The following GRIK1 variants were observed in gnomAD, a reference collection of about 807,000 sequenced individuals.
GRIK1 encodes the protein glutamate receptor ionotropic, kainate 1.
GRIK1 carries 69 observed loss-of-function variants against 105.7 expected under a neutral mutation model. The ratio of observed to expected loss-of-function variants is 0.65; its 90% CI spans 0.54 to 0.80. The LOEUF (loss-of-function observed/expected upper bound fraction) is 0.80, where lower values mean the gene tolerates loss of function less well. GRIK1 is among the 30% of genes least tolerant of loss of function. The pLI is 0.00. For missense variants in GRIK1, 1,109 were observed against 1,167.3 expected (o/e 0.95, Z 0.73); for synonymous variants, 438 against 431.3 (o/e 1.02, Z -0.19).
intron 1 of GRIK1, among the ~76,000 whole-genome samples, chr21:29,924,181 T>G (rs939883346): frequency 2.0e-5 from 3 of 151,454 alleles, no homozygotes; most frequent in African/African-American, 7.3e-5. Flanking sequence ...CTACTAAATA[T>G]ACAAAAATTA....
intron 1 of GRIK1, among the ~76,000 whole-genome samples, chr21:29,884,652 G>A (rs1485900848): frequency 1.3e-5 from 2 of 152,006 alleles, no homozygotes; most frequent in African/African-American, 2.4e-5. Flanking sequence ...TGCATTACTA[G>A]TAATAACTGA....
intron 15 of GRIK1, among the ~76,000 whole-genome samples, chr21:29,560,340 TTTC>T (rs2090379465): frequency 8.4e-6 from 1 of 118,530 alleles, no homozygotes; most frequent in Non-Finnish European, 1.7e-5. Context: ...TCTTTCTTTC[TTTC>T]TTTCTTTCTT....
intron 1 of GRIK1, among the ~76,000 whole-genome samples, chr21:29,730,039 G>A (rs1254767569): frequency 6.6e-6 from 1 of 152,114 alleles, no homozygotes; most frequent in Non-Finnish European, 1.5e-5. Context: ...TTTTCCCAAT[G>A]GTTTTATTAC....
At chr21:29,569,575 G>GT (rs2090691937) in intron 14 of GRIK1, among the ~76,000 whole-genome samples, 1 of 152,168 alleles carries the variant, frequency 6.6e-6, no homozygotes, top group Non-Finnish European at 1.5e-5. Flanking sequence ...AGACTAGCTG[G>GT]TATTCCCATT....
chr21:29,563,500 C>T (rs1383210133), intron 14 of GRIK1, among the ~76,000 whole-genome samples: 7 of 152,302 alleles, frequency 4.6e-5, no homozygotes, highest in Non-Finnish European at 8.8e-5. Context: ...AGTTATGCCA[C>T]AGCCCCGGAG....
chr21:29,935,409 A>T (rs748248743), intron 1 of GRIK1, among the ~76,000 whole-genome samples: 7 of 152,168 alleles, frequency 4.6e-5, no homozygotes, highest in Non-Finnish European at 1.0e-4. Flanking sequence ...GGGAAGTAAG[A>T]ACTCAAATAA....
At chr21:29,880,972 T>C (rs1569185295) in intron 1 of GRIK1, among the ~76,000 whole-genome samples, 2 of 151,982 alleles carry the variant, frequency 1.3e-5, no homozygotes, top group Admixed American at 1.3e-4. Context: ...TGCCCCAGGT[T>C]GGGTGCCACT....
At chr21:29,561,971 G>T in intron 14 of GRIK1, 122 bp from the exon 15 acceptor site, 1 of 653,196 alleles carries the variant, frequency 1.5e-6, no homozygotes, top group Admixed American at 2.3e-5. Context: ...AGGTGGGGGA[G>T]TCAAGATTGA....
At chr21:29,853,638 A>G (rs2068374791) in intron 1 of GRIK1, among the ~76,000 whole-genome samples, 1 of 152,210 alleles carries the variant, frequency 6.6e-6, no homozygotes, top group Non-Finnish European at 1.5e-5. Flanking sequence ...TCAACTGCAT[A>G]TGACTCATGG....
At chr21:29,578,277 C>T (rs376132439) in intron 13 of GRIK1, among the ~76,000 whole-genome samples, 1 of 152,070 alleles carries the variant, frequency 6.6e-6, no homozygotes, top group African/African-American at 2.4e-5. Context: ...TTAAAAATCC[C>T]GAAGAGTGAA....
chr21:29,576,824 T>C (rs2090905882), intron 14 of GRIK1, 140 bp downstream of exon 14: 1 of 609,752 alleles, frequency 1.6e-6, no homozygotes, highest in Non-Finnish European at 2.9e-6. Context: ...TGGGATTATG[T>C]AATTATAAAT....
chr21:29,646,850 C>CT (rs544696996), intron 6 of GRIK1, among the ~76,000 whole-genome samples: 3,849 of 144,078 alleles, frequency 0.027, 77 homozygotes, highest in African/African-American at 0.045. Context: ...TCTTTCTTTC[C>CT]TTTTTTTTTT....
intron 4 of GRIK1, among the ~76,000 whole-genome samples, chr21:29,660,446 C>G (rs2062940743): frequency 6.6e-6 from 1 of 152,164 alleles, no homozygotes; most frequent in Non-Finnish European, 1.5e-5. Context: ...TCTTAAGAAG[C>G]CTGGACCATA....
intron 1 of GRIK1, among the ~76,000 whole-genome samples, chr21:29,880,439 CTCTT>C (rs1244315383): frequency 3.9e-5 from 6 of 152,132 alleles, no homozygotes; most frequent in African/African-American, 1.4e-4. Context: ...TTCATCCTCT[CTCTT>C]CCTTCCTGTT....
intron 1 of GRIK1, among the ~76,000 whole-genome samples, chr21:29,698,760 G>T (rs1216406815): frequency 1.3e-5 from 2 of 152,046 alleles, no homozygotes. Context: ...CACCTCCCCA[G>T]CCTCTTCTCC....
At chr21:29,561,549 C>A in intron 15 of GRIK1, 75 bp downstream of exon 15, 1 of 936,028 alleles carries the variant, frequency 1.1e-6, no homozygotes. Flanking sequence ...GAATAAAGAA[C>A]TCTGAGCCCA....
chr21:29,784,403 G>A (rs1569089696), intron 1 of GRIK1, among the ~76,000 whole-genome samples: 2 of 152,146 alleles, frequency 1.3e-5, no homozygotes, highest in Admixed American at 6.5e-5. Flanking sequence ...TATAAAGGTT[G>A]TGCTAATTTT....
intron 10 of GRIK1, 81 bp downstream of exon 10, chr21:29,591,031 G>A (rs2061325348): frequency 1.2e-6 from 1 of 823,644 alleles, no homozygotes; most frequent in African/African-American, 1.7e-5. Flanking sequence ...GCGTTGGCAT[G>A]AAAAAGACAG....
intron 1 of GRIK1, among the ~76,000 whole-genome samples, chr21:29,872,805 A>G (rs890042884): frequency 6.6e-6 from 1 of 152,120 alleles, no homozygotes; most frequent in Non-Finnish European, 1.5e-5. Flanking sequence ...GCATGGGAAG[A>G]CCCACCCCCA....
Sources: gnomAD v4.1 joint callset for allele counts (sites outside exome capture counted in the v4.1 genomes callset) on GRCh38, gnomAD v4.1.1 for gene constraint, MANE v1.5 for transcripts, NCBI Gene and HGNC (gene_info 2026-07-23, HGNC 2026-07-21) for gene names.